The following STARD13 variants were observed in gnomAD, a reference collection of about 807,000 sequenced individuals.
STARD13 encodes stAR-related lipid transfer protein 13.
A neutral mutation model predicts 106.4 loss-of-function variants in STARD13; 62 were observed. The observed-to-expected ratio is 0.58, with a 90% confidence interval of 0.48 to 0.72. The LOEUF (loss-of-function observed/expected upper bound fraction) is 0.72. STARD13 is among the 30% of genes least tolerant of loss of function. STARD13 has a pLI of 0.00. For synonymous variants in STARD13, 565 were observed against 553.0 expected (o/e 1.02, Z -0.31); for missense variants, 1,387 against 1,424.0 (o/e 0.97, Z 0.42).
chr13:33,129,318 G>A lies in STARD13; in HGVS notation c.1359C>T (p.Ala453=), dbSNP rs906808983. The A allele has an allele frequency of 2.5e-6, 4 of 1,614,024 alleles. No homozygotes were observed. The African/African-American group carries it at 5.3e-5, about 22-fold the overall frequency. Residue 453 remains alanine, a synonymous_variant, in exon 5 of 14, where the codon GCC becomes GCT. Transcript: ENST00000336934. ...EPRLMASCHR[A]SRVSIYDNVP... Reference sequence around the variant, plus strand: ...CATTGTCATAGATACTGACTCGGCTGGCTCTGTGGCAGGACGCCATGAGCC... The same window carrying A: ...CATTGTCATAGATACTGACTCGGCTAGCTCTGTGGCAGGACGCCATGAGCC...
the STARD13 span, among the ~76,000 whole-genome samples, chr13:33,397,721 G>C: frequency 6.6e-6 from 1 of 152,196 alleles, no homozygotes; most frequent in Non-Finnish European, 1.5e-5. Context: ...AGTCTGCCAG[G>C]ACTGCTGTAA....
At chr13:33,587,621 A>C in the STARD13 span, among the ~76,000 whole-genome samples, 1 of 152,172 alleles carries the variant, frequency 6.6e-6, no homozygotes, top group Admixed American at 6.5e-5. Flanking sequence ...CATGGGAATC[A>C]CCTGAATATC....
the STARD13 span, among the ~76,000 whole-genome samples, chr13:33,659,325 C>T: frequency 6.6e-6 from 1 of 151,012 alleles, no homozygotes; most frequent in African/African-American, 2.4e-5. Context: ...AAGCAACTCT[C>T]CTGCCTCAGC....
At chr13:33,171,345 G>A (rs994857901) in intron 1 of STARD13, among the ~76,000 whole-genome samples, 5 of 152,216 alleles carry the variant, frequency 3.3e-5, no homozygotes, top group Non-Finnish European at 5.9e-5. Flanking sequence ...CAATCTCTAC[G>A]GAGGTTACTG....
chr13:33,300,210 T>C (rs918285060), intron 1 of STARD13, among the ~76,000 whole-genome samples: 34 of 152,306 alleles, frequency 2.2e-4, no homozygotes, highest in African/African-American at 6.7e-4. Flanking sequence ...ATAAAGCTCT[T>C]GTAAGGGTTA....
chr13:33,524,900 T>C, the STARD13 span, among the ~76,000 whole-genome samples: 6 of 152,146 alleles, frequency 3.9e-5, no homozygotes, highest in African/African-American at 1.4e-4. Flanking sequence ...AAGTATGCAG[T>C]ATATTAGTAT....
chr13:33,229,401 C>T (rs1334190800), intron 1 of STARD13, among the ~76,000 whole-genome samples: 1 of 152,294 alleles, frequency 6.6e-6, no homozygotes, highest in South Asian at 2.1e-4. Flanking sequence ...TTAACATATT[C>T]GATTTGCCAG....
intron 1 of STARD13, among the ~76,000 whole-genome samples, chr13:33,301,903 T>A (rs1892735713): frequency 6.6e-6 from 1 of 152,126 alleles, no homozygotes; most frequent in South Asian, 2.1e-4. Flanking sequence ...AAGACTGGAC[T>A]TGCCCATTTC....
chr13:33,275,014 G>A (rs754136266), intron 1 of STARD13, among the ~76,000 whole-genome samples: 11 of 152,028 alleles, frequency 7.2e-5, no homozygotes, highest in Non-Finnish European at 1.5e-4. Flanking sequence ...TTCCTGCCAA[G>A]GACTGTCTCT....
upstream of STARD13, among the ~76,000 whole-genome samples, chr13:33,289,437 C>T (rs1892201301): frequency 6.6e-6 from 1 of 152,208 alleles, no homozygotes; most frequent in Non-Finnish European, 1.5e-5. Flanking sequence ...ATCTCCACAG[C>T]TATCACTGGA....
chr13:33,190,028 C>A (rs1886127985), intron 1 of STARD13, among the ~76,000 whole-genome samples: 1 of 151,854 alleles, frequency 6.6e-6, no homozygotes, highest in South Asian at 2.1e-4. Context: ...ATACTAGATA[C>A]CCTATAATCA....
At chr13:33,460,602 G>A in the STARD13 span, among the ~76,000 whole-genome samples, 31 of 151,178 alleles carry the variant, frequency 2.1e-4, 1 homozygote, top group African/African-American at 6.3e-4. Context: ...AATGTTTCCC[G>A]CTTATTTTTA....
intron 1 of STARD13, among the ~76,000 whole-genome samples, chr13:33,330,856 C>A (rs2077828273): frequency 6.6e-6 from 1 of 152,126 alleles, no homozygotes; most frequent in Middle Eastern, 3.2e-3. Flanking sequence ...TCTGCTAATT[C>A]AACAAAAGCC....
At chr13:33,283,330 G>C (rs1052937086) in intron 1 of STARD13, among the ~76,000 whole-genome samples, 1 of 152,156 alleles carries the variant, frequency 6.6e-6, no homozygotes, top group Admixed American at 6.6e-5. Flanking sequence ...TGCAGAGCAT[G>C]GACTGTCAAG....
chr13:33,613,514 G>A, the STARD13 span, among the ~76,000 whole-genome samples: 17 of 152,212 alleles, frequency 1.1e-4, no homozygotes, highest in Non-Finnish European at 2.4e-4. Flanking sequence ...GTTGCAACTG[G>A]TGAGTCCCAG....
At chr13:33,617,359 A>T in the STARD13 span, among the ~76,000 whole-genome samples, 2 of 152,194 alleles carry the variant, frequency 1.3e-5, no homozygotes, top group Non-Finnish European at 2.9e-5. Context: ...CAAAGAGGTG[A>T]TATCTGAGAC....
At chr13:33,135,450 A>T (rs543287016) in intron 4 of STARD13, among the ~76,000 whole-genome samples, 6 of 152,324 alleles carry the variant, frequency 3.9e-5, no homozygotes, top group African/African-American at 1.4e-4. Context: ...TCTGATTTAC[A>T]ACAAGTGCCA....
intron 1 of STARD13, among the ~76,000 whole-genome samples, chr13:33,222,183 A>G (rs1463394000): frequency 1.3e-5 from 2 of 152,122 alleles, no homozygotes; most frequent in African/African-American, 4.8e-5. Context: ...ATGCTGCGAC[A>G]TGAGTGAAGC....
At chr13:33,666,832 T>A in the STARD13 span, among the ~76,000 whole-genome samples, 1 of 152,164 alleles carries the variant, frequency 6.6e-6, no homozygotes, top group African/African-American at 2.4e-5. Flanking sequence ...CCTCATGTGA[T>A]CCACCTTCCT....
Sources: allele counts gnomAD v4.1 joint callset (sites outside exome capture counted in the v4.1 genomes callset), GRCh38; gene constraint gnomAD v4.1.1; transcripts MANE v1.5; gene names NCBI Gene and HGNC (gene_info 2026-07-23, HGNC 2026-07-21).